Variants in FRMPD4 observed in about 807,000 individuals in gnomAD.
FRMPD4 encodes the protein FERM and PDZ domain containing 4, also known as FERM and PDZ domain-containing protein 4.
In FRMPD4, 22 loss-of-function variants were observed where a neutral mutation model predicts 94.1. The observed-to-expected ratio is 0.23, with a 90% CI of 0.17 to 0.33. The LOEUF (loss-of-function observed/expected upper bound fraction) is 0.33, where lower values mean the gene tolerates loss of function less well. FRMPD4 is among the 10% of genes least tolerant of loss of function. The pLI is 1.00. For missense variants in FRMPD4, 1,111 were observed against 1,339.9 expected (o/e 0.83, Z 2.67); for synonymous variants, 631 against 548.6 (o/e 1.15, Z -2.10).
chrX:12,560,973 T>G lies in FRMPD4; in HGVS notation c.159-48748T>G, dbSNP rs763336048. Among the ~76,000 whole-genome samples, 14 of 103,225 alleles carry G rather than the reference T, an allele frequency of 1.4e-4. 1 individual carries two copies. In the East Asian group the frequency reaches 3.6e-3, roughly 27 times the overall value. 89.6% of individuals were successfully genotyped at this position (103,225 alleles called of 115,157 possible). The stretch of plus-strand genomic sequence containing the variant: ...TTTAGTAGAGACGGGTTTTCACCGT[T>G]TTAGCCGGGATGGTCTCGATCTCCT... On this transcript the variant is annotated intron_variant, in intron 2 of 16. Transcript: ENST00000675598.
chrX:12,238,984 CTT>C (rs900239627), intron 1 of FRMPD4, among the ~76,000 whole-genome samples: 3 of 112,140 alleles, frequency 2.7e-5, no homozygotes, highest in African/African-American at 9.7e-5. Context: ...GAAATGGACT[CTT>C]TTGTGGTTCC....
chrX:12,137,984 G>C (rs1323208472), upstream of FRMPD4, among the ~76,000 whole-genome samples: 2 of 111,432 alleles, frequency 1.8e-5, no homozygotes, highest in Non-Finnish European at 3.8e-5. Flanking sequence ...TATGCTCCTC[G>C]AGGAGGGAGC....
Position 12,138,738 on chromosome X carries a change from T to C in FRMPD4, c.-234T>C. 1 of 315,689 alleles carries C rather than the reference T, an allele frequency of 3.2e-6. No homozygotes were observed. Among genetic ancestry groups the C allele is most frequent in the East Asian group, 4.7e-5 (1 of 21,181 alleles). The allele number at this position is 315,689 out of a possible 1,213,427, so 26.0% of individuals were successfully genotyped here. A position where few individuals can be genotyped will look rare whatever the true frequency, so the allele number is the denominator to read the frequency against. On this transcript the variant is annotated 5_prime_UTR_variant, in exon 1 of 17. Coordinates refer to ENST00000675598, the MANE Select transcript of FRMPD4 (RefSeq NM_001368397.1). ...TCCCTCTCCATTGAGTTTTCCTGCCTCGGGTGCCTATCAATGGTCCTGCTC... is the reference window on the plus strand; with the variant it reads ...TCCCTCTCCATTGAGTTTTCCTGCCCCGGGTGCCTATCAATGGTCCTGCTC...
chrX:12,290,717 A>T (rs2054672336), intron 1 of FRMPD4, among the ~76,000 whole-genome samples: 2 of 112,011 alleles, frequency 1.8e-5, no homozygotes, highest in African/African-American at 6.5e-5. Context: ...GATGTATTTA[A>T]GCGACAGAAG....
chrX:12,136,895 A>ACACG (rs2055603105), upstream of FRMPD4, among the ~76,000 whole-genome samples: 1 of 84,481 alleles, frequency 1.2e-5, no homozygotes, highest in African/African-American at 4.9e-5. Context: ...GTTAAAACAC[A>ACACG]CACACACACA....
intron 1 of FRMPD4, among the ~76,000 whole-genome samples, chrX:12,187,168 G>C (rs5979537): frequency 0.17 from 18,325 of 110,878 alleles, 2,010 homozygotes; most frequent in African/African-American, 0.4. Flanking sequence ...CTTATTCCTT[G>C]AATGCACTTG....
chrX:11,966,619 A>G (rs753319318), intron 3 of FRMPD4, among the ~76,000 whole-genome samples: 1 of 111,670 alleles, frequency 9.0e-6, no homozygotes, highest in East Asian at 2.8e-4. Context: ...AAAATCATTG[A>G]TCCCAAAATG....
chrX:12,222,795 A>G (rs751028259), intron 1 of FRMPD4, among the ~76,000 whole-genome samples: 18 of 112,204 alleles, frequency 1.6e-4, no homozygotes, highest in South Asian at 3.7e-4. Flanking sequence ...CTTGATGTTC[A>G]GTTATGTTGT....
Position 12,071,663 on chromosome X carries a change from C to T in FRMPD4, c.95+193645C>T, listed in dbSNP as rs781135227. 3.4e-4 allele frequency among the ~76,000 whole-genome samples: 38 copies of T among 111,432 alleles called. No homozygotes were observed. In the South Asian group the frequency reaches 7.6e-3, roughly 22 times the overall value. ...ACTAATGCTGCATAATCTCTGCTCC[C>T]GCTTGTCTCCTTGTTATTGAAGGCA... is the stretch of plus-strand genomic sequence containing the variant. On this transcript the variant is annotated intron_variant, in intron 3 of 18. Coordinates refer to the FRMPD4 transcript ENST00000640291.
upstream of FRMPD4, among the ~76,000 whole-genome samples, chrX:12,136,936 C>A (rs998676235): frequency 1.8e-5 from 2 of 109,293 alleles, no homozygotes; most frequent in East Asian, 5.7e-4. Context: ...TACACACACA[C>A]AAAACATCTT....
chrX:12,053,414 GAAAGAAAGAAAGAAAGAGAAAGAA>G (rs1569149816), intron 3 of FRMPD4, among the ~76,000 whole-genome samples: 7 of 91,701 alleles, frequency 7.6e-5, no homozygotes, highest in East Asian at 7.3e-4. Flanking sequence ...AAGAAAGAAA[GAAAGAAAGAAAGAAAGAGAAAGAA>G]AGAAGAGAAG....
At chrX:12,169,662 T>C (rs1055975439) in intron 1 of FRMPD4, among the ~76,000 whole-genome samples, 6 of 112,456 alleles carry the variant, frequency 5.3e-5, no homozygotes, top group African/African-American at 1.6e-4. Context: ...ATATTTACCA[T>C]ATGGCTCATT....
At chrX:12,049,482 T>C (rs2147449867) in intron 3 of FRMPD4, among the ~76,000 whole-genome samples, 1 of 111,558 alleles carries the variant, frequency 9.0e-6, no homozygotes, top group Admixed American at 9.6e-5. Flanking sequence ...TATTTCTTTA[T>C]CTTGCCTGAT....
In FRMPD4 at chrX:12,033,925, G is replaced by C. The variant is rs760877698; in HGVS notation, c.95+155907G>C. ...TTGGTCAGGCTGGTCTCGAACTCCT[G>C]ACCTCAGGTGATCCGCCCGCCTCGG... On this transcript the variant is annotated intron_variant, in intron 3 of 18. Coordinates refer to the FRMPD4 transcript ENST00000640291. Among the ~76,000 whole-genome samples, 15 of 112,175 alleles carry C rather than the reference G, an allele frequency of 1.3e-4. No individual in the cohort carries two copies. In the East Asian group the frequency reaches 3.9e-3, roughly 29 times the overall value.
chrX:12,569,396 AC>A (rs1234966271), intron 2 of FRMPD4, among the ~76,000 whole-genome samples: 1 of 111,815 alleles, frequency 8.9e-6, no homozygotes, highest in Non-Finnish European at 1.9e-5. Flanking sequence ...AAGTCAGGAA[AC>A]CCAGAGTTCA....
intron 1 of FRMPD4, among the ~76,000 whole-genome samples, chrX:12,315,414 C>T (rs2055099647): frequency 9.0e-6 from 1 of 111,624 alleles, no homozygotes; most frequent in Non-Finnish European, 1.9e-5. Context: ...CAGTATGTGT[C>T]CAAATGTGAA....
intron 3 of FRMPD4, among the ~76,000 whole-genome samples, chrX:11,972,796 T>G (rs1043741855): frequency 8.9e-6 from 1 of 112,638 alleles, no homozygotes; most frequent in African/African-American, 3.2e-5. Flanking sequence ...GAAATCATTT[T>G]CAGTTATATT....
intron 5 of FRMPD4, among the ~76,000 whole-genome samples, chrX:12,680,090 T>C (rs1484194643): frequency 8.9e-6 from 1 of 112,147 alleles, no homozygotes. Flanking sequence ...TTTCAGAAAT[T>C]AATCTTATTT....
At chrX:11,968,537 C>A (rs747008588) in intron 3 of FRMPD4, among the ~76,000 whole-genome samples, 1 of 111,585 alleles carries the variant, frequency 9.0e-6, no homozygotes, top group African/African-American at 3.3e-5. Flanking sequence ...TTAGCACTCT[C>A]CCCCTAGCGA....
Sources: gnomAD v4.1 joint callset for allele counts (sites outside exome capture counted in the v4.1 genomes callset) on GRCh38, gnomAD v4.1.1 for gene constraint, MANE v1.5 for transcripts, NCBI Gene and HGNC (gene_info 2026-07-23, HGNC 2026-07-21) for gene names.